The following ZMYM5 variants were observed in gnomAD, a reference collection of about 807,000 sequenced individuals.
ZMYM5 encodes zinc finger MYM-type containing 5, also known as zinc finger MYM-type protein 5.
ZMYM5 carries 41 observed loss-of-function variants against 61.8 expected under a neutral mutation model. The observed-to-expected ratio is 0.66, with a 90% CI of 0.52 to 0.86. The LOEUF is 0.86. ZMYM5 is among the 40% of genes least tolerant of loss of function. The pLI, the probability that ZMYM5 is intolerant of heterozygous loss-of-function variation, is 0.00. For missense variants in ZMYM5, 706 were observed against 786.7 expected, an observed-to-expected ratio of 0.90 and a Z score of 1.23; for synonymous variants, 257 against 276.4, an observed-to-expected ratio of 0.93 and a Z score of 0.70.
intron 2 of ZMYM5, among the ~76,000 whole-genome samples, chr13:19,860,932 G>A (rs9579722): frequency 0.098 from 14,212 of 145,644 alleles, 842 homozygotes; most frequent in African/African-American, 0.17. Context: ...ATGTATATGC[G>A]CACGTGTGTG....
rs1201560404 is a variant in ZMYM5, at chr13:19,852,158, C to T, written c.23G>A (p.Gly8Glu). The change falls in exon 3 of 8, where the codon GGA becomes GAA. Residue 8 changes from glycine (G) to glutamate (E), a missense_variant. Gly to Glu is a moderately conservative substitution (Grantham distance 98). Coordinates refer to ENST00000337963, the MANE Select transcript of ZMYM5 (RefSeq NM_001142684.2). Reference sequence around the variant, plus strand: ...AGGAGTCTGTTCAGTCAACTCTAATCCTCCCACTGAACATTTTTCCATGCC... The same window carrying T: ...AGGAGTCTGTTCAGTCAACTCTAATTCTCCCACTGAACATTTTTCCATGCC... MEKCSVG[G>E]LELTEQTPAL... 77 of 1,602,552 alleles carry T rather than the reference C, an allele frequency of 4.8e-5. 1 individual carries two copies. In the East Asian group the frequency reaches 1.6e-3, roughly 34 times the overall value.
At chr13:19,849,842 G>A (rs574235586) in intron 4 of ZMYM5, among the ~76,000 whole-genome samples, 1 of 152,104 alleles carries the variant, frequency 6.6e-6, no homozygotes, top group South Asian at 2.1e-4. Context: ...TTAGCTAGGC[G>A]TGATGGCACA....
Position 19,840,686 on chromosome 13 carries a change from T to A in ZMYM5, c.587-1701A>T, listed in dbSNP as rs1019503944. 4.7e-4 allele frequency among the ~76,000 whole-genome samples: 72 copies of A among 152,022 alleles called. 1 individual carries two copies. Among genetic ancestry groups the A allele is most frequent in the African/African-American group, 1.5e-3 (62 of 41,490 alleles). On this transcript the variant is annotated intron_variant, in intron 4 of 7. Coordinates refer to ENST00000337963, the MANE Select transcript of ZMYM5 (RefSeq NM_001142684.2). ...ACCACACCTGGCCACTTTTTTTTTT[T>A]AATTTTTTGAGACGGAGTCTCGCTC...
chr13:19,834,900 TCTGGTTTCAAAATC>T (rs1372029757), intron 7 of ZMYM5, among the ~76,000 whole-genome samples: 1 of 151,816 alleles, frequency 6.6e-6, no homozygotes, highest in Non-Finnish European at 1.5e-5. Flanking sequence ...TGTTGCCCAG[TCTGGTTTCAAAATC>T]CTGGCCCCAA....
In ZMYM5 at chr13:19,858,622, T is replaced by C. The variant is rs200537211; in HGVS notation, c.-11+3777A>G. On this transcript the variant is annotated intron_variant, in intron 2 of 7. Coordinates refer to ENST00000337963, the MANE Select transcript of ZMYM5 (RefSeq NM_001142684.2). ...AAAAAAAAAAAAGATGGCCGATTGA[T>C]CACATACAACTAACTTCGTTCCCTT... 2.8e-5 allele frequency among the ~76,000 whole-genome samples: 4 copies of C among 141,882 alleles called. No homozygotes were observed. The East Asian group carries it at 8.6e-4, about 30-fold the overall frequency. The allele number at this position is 141,882 out of a possible 152,430, so 93.1% of individuals were successfully genotyped here.
rs1318567217 is a variant in ZMYM5, at chr13:19,825,051, G to A, written c.1436C>T (p.Thr479Ile). The change falls in exon 8 of 8, where the codon ACA becomes ATA. Residue 479 changes from threonine (T) to isoleucine (I), a missense_variant. By Grantham distance (89) the Thr-to-Ile change is moderately conservative. This residue lies in a region of ZMYM5 where 226 missense variants were observed against 325.0 expected (regional missense o/e 0.70). Coordinates refer to ENST00000337963, the MANE Select transcript of ZMYM5 (RefSeq NM_001142684.2). Reference sequence around the variant, plus strand: ...ATTCACATTCTCTTGGATCAGTAATGTATCCGTGCCACATTCTACTGAAAG... The same window carrying A: ...ATTCACATTCTCTTGGATCAGTAATATATCCGTGCCACATTCTACTGAAAG... ...LQLSVECGTD[T>I]LLIQENVNLP... The A allele has an allele frequency of 7.3e-7, 1 of 1,367,534 alleles. No individual in the cohort carries two copies. The highest frequency in any genetic ancestry group is 9.8e-7 in the Non-Finnish European group (1 of 1,021,854). The allele number at this position is 1,367,534 out of a possible 1,614,324, so 84.7% of individuals were successfully genotyped here.
At position 19,831,787 on chromosome 13, in the gene ZMYM5, C is replaced by CAAAAAA. The variant is rs1190448216; in HGVS notation, c.1251+3684_1251+3689dup. ...TGGGTGACAGAGAGAGACTCTGTCT[C>CAAAAAA]AAAAAAAAAAAAAAAAAAAAAAAAA... On this transcript the variant is annotated intron_variant, in intron 7 of 7. Transcript: ENST00000337963. 1.9e-4 allele frequency among the ~76,000 whole-genome samples: 7 copies of CAAAAAA among 36,680 alleles called. 2 individuals carry two copies. Among genetic ancestry groups the CAAAAAA allele is most frequent in the Non-Finnish European group, 2.5e-4 (6 of 24,138 alleles). 24.1% of individuals were successfully genotyped at this position (36,680 alleles called of 152,430 possible).
At position 19,851,434 on chromosome 13, in the gene ZMYM5, T is replaced by C; in HGVS notation, c.507A>G (p.Val169=). 2 of 1,614,170 alleles carry C rather than the reference T, an allele frequency of 1.2e-6. No individual in the cohort carries two copies. Among genetic ancestry groups the C allele is most frequent in the Non-Finnish European group, 1.7e-6 (2 of 1,180,006 alleles). ...TCATTCTACCAGGGTTAAAAGGTCT[T>C]ACTCCAGTCTTGGTCTGTGGAGTTA... ...SLSRSKTKTG[V]RPFNPGRMNV... is the part of the protein sequence containing the mutation. The change falls in exon 4 of 8, where the codon GTA becomes GTG. Residue 169 remains valine (V), a synonymous_variant. Coordinates refer to ENST00000337963, the MANE Select transcript of ZMYM5 (RefSeq NM_001142684.2).
intron 4 of ZMYM5, among the ~76,000 whole-genome samples, chr13:19,841,337 G>C (rs1952870121): frequency 6.6e-6 from 1 of 152,102 alleles, no homozygotes; most frequent in Non-Finnish European, 1.5e-5. Context: ...GGTTGGAAGG[G>C]GGTTTTTATC....
rs1487847149 is a variant in ZMYM5 at position 19,863,430 on chromosome 13, A to ATCTCCGCCTCCCCAC, written c.-79+5_-79+19dup. 3 of 151,760 alleles carry ATCTCCGCCTCCCCAC rather than the reference A, an allele frequency of 2.0e-5. No homozygotes were observed. The highest frequency in any genetic ancestry group is 1.3e-4 in the Admixed American group (2 of 15,236). 9.4% of individuals were successfully genotyped at this position (151,760 alleles called of 1,614,324 possible). On this transcript the variant is annotated intron_variant, in intron 1 of 7. Transcript: ENST00000337963. The stretch of plus-strand genomic sequence containing the variant: ...GAGCCTCCGGAGGCTGCTCTCACCC[A>ATCTCCGCCTCCCCAC]TCTCCGCCTCCCCACTCACCTCGGC...
chr13:19,855,153 G>C (rs991303565), intron 2 of ZMYM5, among the ~76,000 whole-genome samples: 8 of 151,976 alleles, frequency 5.3e-5, no homozygotes, highest in African/African-American at 1.9e-4. Context: ...CCAGGAGTTT[G>C]AGACCAGCCT....
chr13:19,857,548 T>C (rs559852679), intron 2 of ZMYM5, among the ~76,000 whole-genome samples: 1 of 152,326 alleles, frequency 6.6e-6, no homozygotes, highest in African/African-American at 2.4e-5. Flanking sequence ...ACTGAACTAC[T>C]ACCACAAATA....
intron 4 of ZMYM5, among the ~76,000 whole-genome samples, chr13:19,846,767 GA>G (rs148768021): frequency 0.1 from 14,732 of 146,554 alleles, 848 homozygotes; most frequent in African/African-American, 0.17. Context: ...TTTTTTTAAG[GA>G]AAAAAAAAAC....
chr13:19,860,257 T>C (rs1177029627), intron 2 of ZMYM5, among the ~76,000 whole-genome samples: 3 of 150,696 alleles, frequency 2.0e-5, no homozygotes, highest in East Asian at 2.0e-4. Flanking sequence ...TCCTGAGTAG[T>C]TGGAATGACA....
At chr13:19,832,148 CT>C (rs1891259146) in intron 7 of ZMYM5, among the ~76,000 whole-genome samples, 1 of 151,832 alleles carries the variant, frequency 6.6e-6, no homozygotes, top group Admixed American at 6.6e-5. Context: ...GTGAGGCACC[CT>C]GCCTGGCTTA....
intron 7 of ZMYM5, among the ~76,000 whole-genome samples, chr13:19,829,601 T>C (rs1277032675): frequency 4.6e-5 from 7 of 152,126 alleles, no homozygotes; most frequent in Non-Finnish European, 8.8e-5. Context: ...AACAATTTTT[T>C]TGAGACAAGG....
chr13:19,849,030 T>C (rs1159919906), intron 4 of ZMYM5, among the ~76,000 whole-genome samples: 1 of 152,198 alleles, frequency 6.6e-6, no homozygotes, highest in Non-Finnish European at 1.5e-5. Context: ...TACGTATTTA[T>C]TGTAGCTTCA....
At position 19,824,431 on chromosome 13, in the gene ZMYM5, G is replaced by A; in HGVS notation, c.*46C>T. On this transcript the variant is annotated 3_prime_UTR_variant, in exon 8 of 8. Coordinates refer to ENST00000337963, the MANE Select transcript of ZMYM5 (RefSeq NM_001142684.2). ...CTATTGCAGGACAGATGTTTTCTGA[G>A]TAATGTAAGATTCTGATCATCATGC... is the stretch of plus-strand genomic sequence containing the variant. 7.9e-7 allele frequency: 1 copy of A among 1,257,956 alleles called. No homozygotes were observed. The allele number at this position is 1,257,956 out of a possible 1,614,324, so 77.9% of individuals were successfully genotyped here. A position where few individuals can be genotyped will look rare whatever the true frequency, so the allele number is the denominator to read the frequency against.
chr13:19,843,885 A>G lies in ZMYM5; in HGVS notation c.587-4900T>C, dbSNP rs186737245. ...TGCGGTGGCTCACGCCTGTAATCCC[A>G]GCACTTTGGGAGGCTGAGGCAGGTG... On this transcript the variant is annotated intron_variant, in intron 4 of 7. Transcript: ENST00000337963. 6.9e-3 allele frequency among the ~76,000 whole-genome samples: 1,038 copies of G among 150,968 alleles called. 7 individuals carry two copies. Among genetic ancestry groups the G allele is most frequent in the African/African-American group, 0.024 (981 of 41,026 alleles).
Sources: allele counts gnomAD v4.1 joint callset (sites outside exome capture counted in the v4.1 genomes callset), GRCh38; gene constraint gnomAD v4.1.1; regional missense constraint gnomAD v4.1.1; transcripts MANE v1.5; gene names NCBI Gene and HGNC (gene_info 2026-07-23, HGNC 2026-07-21).